The following ABCG1 variants were observed in gnomAD, a reference collection of about 807,000 sequenced individuals.
ABCG1 encodes the protein ATP binding cassette subfamily G member 1.
ABCG1 carries 29 observed loss-of-function variants against 69.2 expected under a neutral mutation model. That is an observed-to-expected ratio of 0.42 (90% CI 0.31 to 0.57). The LOEUF is 0.57. Among genes scored for constraint, ABCG1 ranks in the 20% least tolerant of loss-of-function variants. The pLI, the probability that ABCG1 is intolerant of heterozygous loss-of-function variation, is 0.15. For missense variants in ABCG1, 718 were observed against 898.1 expected, an observed-to-expected ratio of 0.80 and a Z score of 2.56; for synonymous variants, 370 against 374.8, an observed-to-expected ratio of 0.99 and a Z score of 0.15.
Position 42,296,505 on chromosome 21 carries a change from C to G in ABCG1, c.*113C>G, listed in dbSNP as rs963418885. 1.1e-6 allele frequency: 1 copy of G among 950,928 alleles called. No homozygotes were observed. The highest frequency in any genetic ancestry group is 1.5e-5 in the South Asian group (1 of 66,292). 58.9% of individuals were successfully genotyped at this position (950,928 alleles called of 1,614,324 possible). On this transcript the variant is annotated 3_prime_UTR_variant, in exon 15 of 15. Transcript: ENST00000398449. This position sits in a 1 kb window ranked among gnomAD's most constrained non-coding sequence, Gnocchi z 5.4. ...CGACACAGAGACTCTTCTGATCCAA[C>G]CCCTAGAACCGCGTTGGGTTTGTGG...
At chr21:42,284,967 C>T (rs957159683) in intron 7 of ABCG1, among the ~76,000 whole-genome samples, 1 of 152,178 alleles carries the variant, frequency 6.6e-6, no homozygotes, top group Middle Eastern at 3.4e-3. Flanking sequence ...TTTTTGAGAG[C>T]GTTTAAGTGC....
rs964456592 is a variant in ABCG1 at position 42,273,490 on chromosome 21, C to T, written c.537+55C>T. 14 of 1,577,850 alleles carry T rather than the reference C, an allele frequency of 8.9e-6. No individual in the cohort carries two copies. In the Admixed American group the frequency reaches 2.3e-4, roughly 26 times the overall value. On this transcript the variant is annotated intron_variant, in intron 4 of 14. Coordinates refer to ENST00000398449, the MANE Select transcript of ABCG1 (RefSeq NM_016818.3). This position sits in a 1 kb window ranked among gnomAD's most constrained non-coding sequence, Gnocchi z 5.3. The stretch of plus-strand genomic sequence containing the variant: ...GCCCCTGCCGCCTGTCCCCAGCGCC[C>T]ACATTAGACACAGCACTGGCCGAGT...
chr21:42,294,751 C>A, intron 14 of ABCG1, 91 bp downstream of exon 14: 1 of 1,172,498 alleles, frequency 8.5e-7, no homozygotes, highest in South Asian at 1.2e-5. Flanking sequence ...AAAAGCCACT[C>A]TGGGCTGCTG....
intron 4 of ABCG1, among the ~76,000 whole-genome samples, chr21:42,274,004 T>A (rs574670794): frequency 2.0e-5 from 3 of 152,152 alleles, no homozygotes; most frequent in African/African-American, 7.2e-5. Context: ...AAATGGAGCT[T>A]CCCCCAGTGA....
intron 2 of ABCG1, chr21:42,260,213 C>T: frequency 1.3e-6 from 2 of 1,545,970 alleles, no homozygotes; most frequent in South Asian, 1.2e-5. Flanking sequence ...TAGATGCTCA[C>T]TTCAACCCTG....
intron 1 of ABCG1, among the ~76,000 whole-genome samples, chr21:42,224,920 T>G (rs1457104836): frequency 1.3e-5 from 2 of 152,242 alleles, no homozygotes; most frequent in East Asian, 3.9e-4. Flanking sequence ...GGTATTCTCT[T>G]GATGCAGTGA....
At chr21:42,206,924 T>C (rs1299315166) in intron 2 of ABCG1, 4 of 152,130 alleles carry the variant, frequency 2.6e-5, no homozygotes, top group Admixed American at 6.5e-5. Context: ...TAATTCTTTC[T>C]GTCTTCTTCT....
upstream of ABCG1, among the ~76,000 whole-genome samples, chr21:42,218,082 C>T (rs1055879189): frequency 2.0e-5 from 3 of 152,168 alleles, no homozygotes; most frequent in Non-Finnish European, 2.9e-5. Context: ...TTACAGTCAT[C>T]TGACCTGTGG....
chr21:42,262,837 G>A (rs1038066211), intron 2 of ABCG1, among the ~76,000 whole-genome samples: 12 of 152,330 alleles, frequency 7.9e-5, no homozygotes, highest in East Asian at 3.9e-4. Flanking sequence ...CACAGTAGTC[G>A]CTTGCTGTGA....
At chr21:42,201,712 C>T (rs751576067) in exon 2 of ABCG1, 1 of 1,613,914 alleles carries the variant, frequency 6.2e-7, no homozygotes, top group Non-Finnish European at 8.5e-7. Context: ...ACAGAGAAAG[C>T]CCTGCCCTCA....
intron 2 of ABCG1, among the ~76,000 whole-genome samples, chr21:42,231,447 G>A (rs1487002399): frequency 2.6e-5 from 4 of 152,324 alleles, no homozygotes; most frequent in Admixed American, 2.0e-4. Flanking sequence ...TCCGGGCAGC[G>A]CCAAGTCAGA....
chr21:42,277,184 A>G (rs2123753989), intron 5 of ABCG1, among the ~76,000 whole-genome samples: 1 of 152,316 alleles, frequency 6.6e-6, no homozygotes, highest in African/African-American at 2.4e-5. Flanking sequence ...CAGGAGTCGG[A>G]ATGTAATGTG....
chr21:42,296,496 C>A lies in ABCG1; in HGVS notation c.*104C>A. 1 of 1,035,570 alleles carries A rather than the reference C, an allele frequency of 9.7e-7. No homozygotes were observed. Among genetic ancestry groups the A allele is most frequent in the Non-Finnish European group, 1.4e-6 (1 of 698,294 alleles). The allele number at this position is 1,035,570 out of a possible 1,614,324, so 64.1% of individuals were successfully genotyped here. On this transcript the variant is annotated 3_prime_UTR_variant, in exon 15 of 15. Coordinates refer to ENST00000398449, the MANE Select transcript of ABCG1 (RefSeq NM_016818.3). The surrounding 1 kb of genome is among the most constrained non-coding windows in gnomAD (Gnocchi z 5.4). Reference sequence around the variant, plus strand: ...CCCGACCGACGACACAGAGACTCTTCTGATCCAACCCCTAGAACCGCGTTG... The same window carrying A: ...CCCGACCGACGACACAGAGACTCTTATGATCCAACCCCTAGAACCGCGTTG...
chr21:42,279,357 C>T (rs1044625616), intron 5 of ABCG1, among the ~76,000 whole-genome samples: 19 of 152,118 alleles, frequency 1.2e-4, no homozygotes, highest in African/African-American at 3.6e-4. Context: ...CACCGGAGGC[C>T]GGGGGAGCAG....
chr21:42,258,934 G>A (rs8134674), intron 2 of ABCG1, among the ~76,000 whole-genome samples: 11,649 of 152,254 alleles, frequency 0.077, 1,431 homozygotes, highest in African/African-American at 0.26. Context: ...CTCATGTGAG[G>A]GGAGTTTGAG....
At chr21:42,214,637 A>G (rs1411756230), upstream of ABCG1, among the ~76,000 whole-genome samples, 1 of 152,154 alleles carries the variant, frequency 6.6e-6, no homozygotes, top group Non-Finnish European at 1.5e-5. Flanking sequence ...CCTCCCTCAC[A>G]TCACTCACCA....
chr21:42,274,163 G>A (rs868600823), intron 4 of ABCG1, among the ~76,000 whole-genome samples: 3 of 152,216 alleles, frequency 2.0e-5, no homozygotes, highest in Non-Finnish European at 4.4e-5. Context: ...CTGCAAGACC[G>A]TATGGGGTTG....
chr21:42,282,174 C>T, intron 5 of ABCG1, 100 bp from the exon 6 acceptor site: 5 of 1,512,430 alleles, frequency 3.3e-6, no homozygotes, highest in Non-Finnish European at 4.5e-6. Context: ...ACGGTGTGTC[C>T]AGCAGGCTGA....
In ABCG1 at chr21:42,290,186, T is replaced by C. The variant is rs1250822536; in HGVS notation, c.1361T>C (p.Met454Thr). The C allele has an allele frequency of 1.2e-6, 2 of 1,614,206 alleles. No homozygotes were observed. The highest frequency in any genetic ancestry group is 1.7e-6 in the Non-Finnish European group (2 of 1,180,046). ...CTCTTCTTCTCCATGCTGTTCCTCA[T>C]GTTCGCGGCCCTCATGCCTACTGTT... ...GFLFFSMLFLMFAALMPTVLT... is the reference protein window; with the variant it reads ...GFLFFSMLFLTFAALMPTVLT... Residue 454 changes from methionine to threonine, a missense_variant, in exon 11 of 15, where the codon ATG becomes ACG. Transcript: ENST00000398449.
Sources: gnomAD v4.1 joint callset for allele counts (sites outside exome capture counted in the v4.1 genomes callset) on GRCh38, gnomAD v4.1.1 for gene constraint, Gnocchi (gnomAD v3.1) non-coding constraint, MANE v1.5 for transcripts, NCBI Gene and HGNC (gene_info 2026-07-23, HGNC 2026-07-21) for gene names.